Variants in PLCB4 observed in about 807,000 individuals in gnomAD.
PLCB4 encodes 1-phosphatidylinositol 4,5-bisphosphate phosphodiesterase beta-4.
PLCB4 carries 77 observed loss-of-function variants against 178.8 expected under a neutral mutation model. The observed-to-expected ratio is 0.43, with a 90% CI of 0.36 to 0.52. The LOEUF (loss-of-function observed/expected upper bound fraction) is 0.52. PLCB4 is among the 20% of genes least tolerant of loss of function. The probability of loss-of-function intolerance (pLI) is 0.00; values close to 1 mark genes in which losing one functional copy is unlikely to be tolerated. For synonymous variants in PLCB4, 496 were observed against 490.8 expected (o/e 1.01, Z -0.14); for missense variants, 1,024 against 1,453.4 (o/e 0.70, Z 4.80).
rs116206723 is a variant in PLCB4 at position 9,332,945 on chromosome 20, G to A, written c.85-4181G>A. Among the ~76,000 whole-genome samples the A allele has an allele frequency of 1.9e-3, 291 of 152,224 alleles. 1 individual carries two copies. Among genetic ancestry groups the A allele is most frequent in the African/African-American group, 6.7e-3 (279 of 41,538 alleles). ...GTGCCTCAAAGTCACCCCCAACCTC[G>A]AAGATGAGTTTGTATGCATTACAAA... On this transcript the variant is annotated intron_variant, in intron 4 of 39. Transcript: ENST00000378473.
At chr20:9,151,759 T>C (rs1423090853) in intron 2 of PLCB4, among the ~76,000 whole-genome samples, 2 of 152,106 alleles carry the variant, frequency 1.3e-5, no homozygotes, top group East Asian at 3.9e-4. Flanking sequence ...CCCGAAAATA[T>C]GGAAGTGACT....
At chr20:9,311,121 C>A (rs940430362) in intron 4 of PLCB4, among the ~76,000 whole-genome samples, 1 of 152,168 alleles carries the variant, frequency 6.6e-6, no homozygotes, top group Non-Finnish European at 1.5e-5. Context: ...ACTCAACCAG[C>A]CCCCTGACTT....
At chr20:9,444,760 T>C (rs1456453380) in intron 32 of PLCB4, among the ~76,000 whole-genome samples, 1 of 151,472 alleles carries the variant, frequency 6.6e-6, no homozygotes, top group Non-Finnish European at 1.5e-5. Context: ...AGACTCCATC[T>C]CAAAAAAAAA....
intron 7 of PLCB4, among the ~76,000 whole-genome samples, chr20:9,352,412 C>T (rs1192196100): frequency 1.3e-5 from 2 of 152,160 alleles, no homozygotes; most frequent in South Asian, 2.1e-4. Flanking sequence ...GACATTGCTA[C>T]AGGGTATCTA....
At chr20:9,071,771 T>TAA (rs1182634561) in intron 1 of PLCB4, among the ~76,000 whole-genome samples, 2 of 152,214 alleles carry the variant, frequency 1.3e-5, no homozygotes, top group Non-Finnish European at 2.9e-5. Context: ...CACTTAATAG[T>TAA]AAACTATTTT....
intron 15 of PLCB4, among the ~76,000 whole-genome samples, chr20:9,388,486 A>T (rs2037864968): frequency 6.6e-6 from 1 of 152,214 alleles, no homozygotes; most frequent in Non-Finnish European, 1.5e-5. Flanking sequence ...TGGGAGGTGG[A>T]GGCAGGTGGA....
intron 3 of PLCB4, among the ~76,000 whole-genome samples, chr20:9,230,180 C>T (rs1340068563): frequency 6.6e-6 from 1 of 152,140 alleles, no homozygotes; most frequent in Non-Finnish European, 1.5e-5. Context: ...GTCCAAATTT[C>T]CTTTTCTTAT....
intron 21 of PLCB4, among the ~76,000 whole-genome samples, chr20:9,405,930 G>C (rs1465097493): frequency 2.0e-5 from 3 of 152,132 alleles, no homozygotes; most frequent in African/African-American, 7.2e-5. Flanking sequence ...GGAAAATACT[G>C]CCTTGCTGCC....
At chr20:9,116,574 A>AGGCTGTAGGAGCCTC (rs2091786369) in intron 2 of PLCB4, among the ~76,000 whole-genome samples, 1 of 152,198 alleles carries the variant, frequency 6.6e-6, no homozygotes, top group Non-Finnish European at 1.5e-5. Context: ...ATCTGCCCTT[A>AGGCTGTAGGAGCCTC]GGCTGTAGGA....
At chr20:9,176,335 T>G (rs1158483362) in intron 2 of PLCB4, among the ~76,000 whole-genome samples, 1 of 152,186 alleles carries the variant, frequency 6.6e-6, no homozygotes, top group Non-Finnish European at 1.5e-5. Context: ...TGTGAACATG[T>G]TTTTATTTCT....
intron 3 of PLCB4, among the ~76,000 whole-genome samples, chr20:9,282,578 A>G (rs901129549): frequency 6.6e-6 from 1 of 151,942 alleles, no homozygotes; most frequent in Non-Finnish European, 1.5e-5. Context: ...ATATAACACA[A>G]TCACAGTGCC....
chr20:9,150,727 T>C (rs1271785261), intron 2 of PLCB4, among the ~76,000 whole-genome samples: 1 of 152,174 alleles, frequency 6.6e-6, no homozygotes, highest in Non-Finnish European at 1.5e-5. Context: ...GAAGTTCTCC[T>C]GCCAGGGCTG....
In PLCB4 at chr20:9,405,308, A is replaced by G. The variant is rs1568752171; in HGVS notation, c.1612-5A>G. On this transcript the variant is annotated splice_region_variant and splice_polypyrimidine_tract_variant and intron_variant, in intron 20 of 39. Transcript: ENST00000378473. ...GTAAACAAATTATTTCCTTTCTCTA[A>G]TTAGGCTTCAGATGACCTTGAACAT... 6.5e-7 allele frequency: 1 copy of G among 1,528,740 alleles called. No individual in the cohort carries two copies. The highest frequency in any genetic ancestry group is 1.2e-5 in the South Asian group (1 of 82,300). The allele number at this position is 1,528,740 out of a possible 1,614,324, so 94.7% of individuals were successfully genotyped here.
In PLCB4 at chr20:9,169,804, A is replaced by G. The variant is rs530159704; in HGVS notation, c.-78-47586A>G. ...AATTTGAAAGAATTTTACAATGAAC[A>G]GCTGTGTATTCACCTCCTAGATTCT... is the stretch of plus-strand genomic sequence containing the variant. On this transcript the variant is annotated intron_variant, in intron 2 of 39. Coordinates refer to ENST00000378473, the MANE Select transcript of PLCB4 (RefSeq NM_001377142.1). Among the ~76,000 whole-genome samples the G allele has an allele frequency of 5.9e-5, 9 of 152,224 alleles. No individual in the cohort carries two copies. The South Asian group carries it at 1.7e-3, about 28-fold the overall frequency.
chr20:9,365,104 A>T (rs2035664118), intron 8 of PLCB4, among the ~76,000 whole-genome samples: 1 of 152,218 alleles, frequency 6.6e-6, no homozygotes, highest in African/African-American at 2.4e-5. Context: ...CAATGGAGGC[A>T]CCCAGTCATC....
chr20:9,243,432 T>C (rs932304200), intron 3 of PLCB4, among the ~76,000 whole-genome samples: 1 of 152,224 alleles, frequency 6.6e-6, no homozygotes. Flanking sequence ...GATTCTGTGA[T>C]TCTCAAAGGA....
At chr20:9,451,708 G>C (rs895039790) in intron 32 of PLCB4, among the ~76,000 whole-genome samples, 8 of 152,140 alleles carry the variant, frequency 5.3e-5, no homozygotes, top group African/African-American at 1.9e-4. Context: ...GTTATCATGG[G>C]TATTGAATAG....
chr20:9,393,958 T>C (rs1040892661), intron 18 of PLCB4, among the ~76,000 whole-genome samples: 3 of 152,200 alleles, frequency 2.0e-5, no homozygotes, highest in Admixed American at 1.3e-4. Flanking sequence ...CATTTTAGAA[T>C]TTCTCAAGAT....
intron 28 of PLCB4, 46 bp from the exon 29 acceptor site, chr20:9,435,514 A>G (rs762971267): frequency 9.4e-7 from 1 of 1,062,962 alleles, no homozygotes; most frequent in Non-Finnish European, 1.5e-6. Context: ...GAATATTTTC[A>G]GTAAAACAGA....
Sources: allele counts gnomAD v4.1 joint callset (sites outside exome capture counted in the v4.1 genomes callset), GRCh38; gene constraint gnomAD v4.1.1; transcripts MANE v1.5; gene names NCBI Gene and HGNC (gene_info 2026-07-23, HGNC 2026-07-21).